CYRIB: variants seen among roughly 807,000 people sequenced by gnomAD.
CYRIB encodes CYFIP-related Rac1 interactor B.
CYRIB carries 8 observed loss-of-function variants against 44.2 expected under a neutral mutation model. The ratio of observed to expected loss-of-function variants is 0.18; its 90% CI spans 0.11 to 0.33. The LOEUF (loss-of-function observed/expected upper bound fraction) is 0.33. Among genes scored for constraint, CYRIB ranks in the 10% least tolerant of loss-of-function variants. The pLI is 1.00. For synonymous variants in CYRIB, 131 were observed against 127.2 expected (o/e 1.03, Z -0.20); for missense variants, 185 against 382.8 (o/e 0.48, Z 4.31).
intron 1 of CYRIB, among the ~76,000 whole-genome samples, chr8:129,932,543 GA>G (rs1287619873): frequency 6.6e-6 from 1 of 152,170 alleles, no homozygotes; most frequent in East Asian, 1.9e-4. Context: ...CTGAGGCTCA[GA>G]AAACCAGTGC....
chr8:129,981,040 T>C lies in CYRIB; in HGVS notation c.-295-10045A>G, dbSNP rs527743687. ...ACAACAAAACAACATAATATGAAGA[T>C]GGGAAGAAGACAGAGGAGGAAGGAA... On this transcript the variant is annotated intron_variant, in intron 1 of 14. Coordinates refer to the CYRIB transcript ENST00000401979. Among the ~76,000 whole-genome samples, 11 of 150,518 alleles carry C rather than the reference T, an allele frequency of 7.3e-5. No individual in the cohort carries two copies. In the South Asian group the frequency reaches 8.4e-4, roughly 11 times the overall value.
chr8:129,852,147 C>A lies in CYRIB; in HGVS notation c.633+15G>T. 1 of 1,481,424 alleles carries A rather than the reference C, an allele frequency of 6.8e-7. No homozygotes were observed. The highest frequency in any genetic ancestry group is 9.1e-7 in the Non-Finnish European group (1 of 1,095,750). 91.8% of individuals were successfully genotyped at this position (1,481,424 alleles called of 1,614,324 possible). Reference sequence around the variant, plus strand: ...ATAAATAACAACACAGAGTACCTGCCTAGGCAATGCTTACCTCTGATACAA... The same window carrying A: ...ATAAATAACAACACAGAGTACCTGCATAGGCAATGCTTACCTCTGATACAA... On this transcript the variant is annotated intron_variant, in intron 8 of 11. Transcript: ENST00000519824.
At chr8:129,928,122 C>CA (rs763086113) in intron 1 of CYRIB, among the ~76,000 whole-genome samples, 2,386 of 133,784 alleles carry the variant, frequency 0.018, 68 homozygotes, top group African/African-American at 0.059. Flanking sequence ...TTCTTAACAG[C>CA]AAAAAAAAAA....
Position 130,011,812 on chromosome 8 carries a change from G to A in CYRIB, c.-296+4558C>T, listed in dbSNP as rs534326994. Reference sequence around the variant, plus strand: ...CGCACCACTGCACTCCAGCCTGGGCGACAGAGCGAGACTCCATCTCAAAAC... The same window carrying A: ...CGCACCACTGCACTCCAGCCTGGGCAACAGAGCGAGACTCCATCTCAAAAC... On this transcript the variant is annotated intron_variant, in intron 1 of 14. Coordinates refer to the CYRIB transcript ENST00000401979. Among the ~76,000 whole-genome samples the A allele has an allele frequency of 1.1e-4, 17 of 151,472 alleles. No individual in the cohort carries two copies. In the East Asian group the frequency reaches 2.5e-3, roughly 23 times the overall value.
chr8:129,915,606 A>G (rs2080334345), intron 1 of CYRIB, among the ~76,000 whole-genome samples: 1 of 152,186 alleles, frequency 6.6e-6, no homozygotes, highest in Admixed American at 6.5e-5. Context: ...TTTGAAGGTG[A>G]TTATGTTCAT....
At chr8:129,910,282 T>C (rs2077278992) in intron 1 of CYRIB, among the ~76,000 whole-genome samples, 1 of 152,184 alleles carries the variant, frequency 6.6e-6, no homozygotes, top group Admixed American at 6.5e-5. Flanking sequence ...CAGAGGGCCA[T>C]GTGAACACCT....
exon 1 of CYRIB, chr8:130,016,383 C>G (rs959560652): frequency 6.7e-6 from 1 of 148,758 alleles, no homozygotes; most frequent in Non-Finnish European, 1.5e-5. Flanking sequence ...GCGGCCCGGG[C>G]GGGCGAGGGG....
At chr8:129,869,547 T>TGTA (rs1322123189) in intron 4 of CYRIB, among the ~76,000 whole-genome samples, 4 of 152,084 alleles carry the variant, frequency 2.6e-5, no homozygotes, top group African/African-American at 9.7e-5. Context: ...CATAAAAAAT[T>TGTA]TTACCAATTA....
At chr8:129,861,012 T>C (rs1473291072) in intron 5 of CYRIB, among the ~76,000 whole-genome samples, 1 of 152,230 alleles carries the variant, frequency 6.6e-6, no homozygotes. Context: ...TCTTACAGTA[T>C]ATACCCCCTG....
rs142189750 is a variant in CYRIB, at chr8:129,842,649, T to C, written c.912-444A>G. Among the ~76,000 whole-genome samples, 535 of 152,368 alleles carry C rather than the reference T, an allele frequency of 3.5e-3. 6 individuals are homozygous for C. Among genetic ancestry groups the C allele is most frequent in the African/African-American group, 0.012 (519 of 41,592 alleles). On this transcript the variant is annotated intron_variant, in intron 11 of 11. Transcript: ENST00000519824. The stretch of plus-strand genomic sequence containing the variant: ...CAAAAAAAGAAATAGTAATATTTCA[T>C]GTGTTATTGTGGAAATTCTATGAAA...
At chr8:129,920,143 A>G (rs2082809559) in intron 1 of CYRIB, among the ~76,000 whole-genome samples, 1 of 151,620 alleles carries the variant, frequency 6.6e-6, no homozygotes, top group Admixed American at 6.6e-5. Context: ...TCATGGTCAG[A>G]GTATATATTT....
intron 2 of CYRIB, among the ~76,000 whole-genome samples, chr8:129,967,450 G>A (rs796091706): frequency 1.3e-5 from 2 of 151,832 alleles, no homozygotes; most frequent in African/African-American, 4.8e-5. Context: ...CGCGATCTCG[G>A]CTCACTGCAA....
In CYRIB at chr8:129,896,353, A is replaced by T. The variant is rs1392591800; in HGVS notation, c.-11+6959T>A. ...ATCCCTTAGTCTTACCTACGAAGGG[A>T]TAATTCAAATACAAGATCTATAAAC... On this transcript the variant is annotated intron_variant, in intron 2 of 11. Transcript: ENST00000519824. Among the ~76,000 whole-genome samples, 4 of 152,226 alleles carry T rather than the reference A, an allele frequency of 2.6e-5. No homozygotes were observed. The East Asian group carries it at 5.8e-4, about 22-fold the overall frequency.
At chr8:129,893,816 A>T (rs952721354) in intron 2 of CYRIB, among the ~76,000 whole-genome samples, 2 of 149,512 alleles carry the variant, frequency 1.3e-5, no homozygotes, top group African/African-American at 4.9e-5. Flanking sequence ...TATAGGCATG[A>T]GCCATCACAC....
rs111620219 is a variant in CYRIB, at chr8:129,854,595, C to T, written c.439-252G>A. On this transcript the variant is annotated intron_variant, in intron 6 of 11. Transcript: ENST00000519824. The stretch of plus-strand genomic sequence containing the variant: ...TTAATTTCAGGTAATGTACTAAAAG[C>T]TTGTTTATCAAATAAACAAAAACAA... 9.0e-3 allele frequency among the ~76,000 whole-genome samples: 1,371 copies of T among 152,186 alleles called. 18 individuals carry two copies. The highest frequency in any genetic ancestry group is 0.031 in the African/African-American group (1,299 of 41,534).
chr8:129,898,493 A>G (rs1409770027), intron 2 of CYRIB, among the ~76,000 whole-genome samples: 1 of 152,204 alleles, frequency 6.6e-6, no homozygotes, highest in Non-Finnish European at 1.5e-5. Context: ...GATGTTAAGA[A>G]ATGTTCTTAA....
chr8:129,912,046 T>C (rs916400053), intron 1 of CYRIB, among the ~76,000 whole-genome samples: 9 of 152,222 alleles, frequency 5.9e-5, no homozygotes, highest in African/African-American at 2.2e-4. Flanking sequence ...TCAAACTCTG[T>C]AAAATTAAAT....
chr8:129,857,085 T>C (rs1390927902), intron 5 of CYRIB, among the ~76,000 whole-genome samples: 1 of 152,212 alleles, frequency 6.6e-6, no homozygotes, highest in Non-Finnish European at 1.5e-5. Context: ...ATGTAATAAC[T>C]CTAAATGACA....
At chr8:129,992,666 A>C (rs886696095) in intron 1 of CYRIB, among the ~76,000 whole-genome samples, 7 of 152,222 alleles carry the variant, frequency 4.6e-5, no homozygotes, top group Admixed American at 3.9e-4. Context: ...AAGAGGGCAG[A>C]GCTGCAGAGC....
Sources: allele counts gnomAD v4.1 joint callset (sites outside exome capture counted in the v4.1 genomes callset), GRCh38; gene constraint gnomAD v4.1.1; transcripts MANE v1.5; gene names NCBI Gene and HGNC (gene_info 2026-07-23, HGNC 2026-07-21).